Variants in ATR observed in about 807,000 individuals in gnomAD.
The protein encoded by ATR is serine/threonine-protein kinase ATR.
ATR carries 142 observed loss-of-function variants against 305.3 expected under a neutral mutation model. The ratio of observed to expected loss-of-function variants is 0.47; its 90% CI spans 0.41 to 0.53. ATR has a LOEUF of 0.53. ATR is among the 20% of genes least tolerant of loss of function. The probability of loss-of-function intolerance (pLI) is 0.00; values close to 1 mark genes in which losing one functional copy is unlikely to be tolerated. For missense variants in ATR, 2,135 were observed against 3,133.1 expected (o/e 0.68, Z 7.60); for synonymous variants, 1,050 against 1,068.1 (o/e 0.98, Z 0.33).
At chr3:142,493,894 T>C (rs1020952790) in intron 34 of ATR, among the ~76,000 whole-genome samples, 1 of 145,644 alleles carries the variant, frequency 6.9e-6, no homozygotes, top group Non-Finnish European at 1.5e-5. Flanking sequence ...AAGCTAGGCA[T>C]GATGGCTTAT....
chr3:142,479,351 T>C lies in ATR; in HGVS notation c.6221+5789A>G, dbSNP rs532094547. Among the ~76,000 whole-genome samples, 5 of 152,278 alleles carry C rather than the reference T, an allele frequency of 3.3e-5. No individual in the cohort carries two copies. The South Asian group carries it at 1.0e-3, about 32-fold the overall frequency. On this transcript the variant is annotated intron_variant, in intron 36 of 46. Transcript: ENST00000350721. ...TTATTTCTCCTTCACTTTTGAAGCTTAGTTTGGCTGGATATGAAATTCTGG... is the reference window on the plus strand; with the variant it reads ...TTATTTCTCCTTCACTTTTGAAGCTCAGTTTGGCTGGATATGAAATTCTGG...
chr3:142,511,928 A>G (rs1234490911), intron 27 of ATR, among the ~76,000 whole-genome samples: 1 of 152,122 alleles, frequency 6.6e-6, no homozygotes, highest in African/African-American at 2.4e-5. Context: ...AGTCTGGCCA[A>G]TATGGCAAAA....
chr3:142,558,008 T>C (rs1443314683), intron 8 of ATR, among the ~76,000 whole-genome samples: 1 of 152,186 alleles, frequency 6.6e-6, no homozygotes, highest in East Asian at 1.9e-4. Context: ...AAAATATTTC[T>C]CAAATACTTC....
chr3:142,494,560 T>G (rs114784057), intron 34 of ATR, among the ~76,000 whole-genome samples: 95 of 152,284 alleles, frequency 6.2e-4, no homozygotes, highest in African/African-American at 2.2e-3. Flanking sequence ...AAAATTTGAA[T>G]TAGGTTTTCA....
chr3:142,550,850 C>T (rs537577061), intron 13 of ATR, among the ~76,000 whole-genome samples: 4 of 151,870 alleles, frequency 2.6e-5, no homozygotes, highest in African/African-American at 9.7e-5. Flanking sequence ...TGCAGAGGTG[C>T]GATCTTGGCT....
chr3:142,521,486 C>A (rs2033145828), intron 23 of ATR, among the ~76,000 whole-genome samples: 1 of 152,012 alleles, frequency 6.6e-6, no homozygotes, highest in Non-Finnish European at 1.5e-5. Flanking sequence ...ATAGTAATTC[C>A]TCTGATGGAT....
chr3:142,564,494 G>A (rs2034996387), intron 3 of ATR, among the ~76,000 whole-genome samples: 1 of 152,186 alleles, frequency 6.6e-6, no homozygotes, highest in African/African-American at 2.4e-5. Context: ...TAAAATAAAT[G>A]TTCAATAAAG....
rs1477342875 is a variant in ATR, at chr3:142,538,639, C to G, written c.3582-14G>C. On this transcript the variant is annotated splice_polypyrimidine_tract_variant and intron_variant, in intron 18 of 46. Transcript: ENST00000350721. ...CAGTCCCAAGCTCTATGTGAAAAAA[C>G]AAATAGAAATGAAGTCCAATTACTT... 1 of 1,612,820 alleles carries G rather than the reference C, an allele frequency of 6.2e-7. No homozygotes were observed. Among genetic ancestry groups the G allele is most frequent in the Non-Finnish European group, 8.5e-7 (1 of 1,179,336 alleles).
chr3:142,467,337 A>C (rs961326981), intron 39 of ATR, among the ~76,000 whole-genome samples: 7 of 152,066 alleles, frequency 4.6e-5, no homozygotes, highest in Non-Finnish European at 1.0e-4. Flanking sequence ...TTTAGTCACA[A>C]ATCTACCGAA....
chr3:142,523,503 A>T (rs2108398168), intron 22 of ATR, among the ~76,000 whole-genome samples: 1 of 152,294 alleles, frequency 6.6e-6, no homozygotes, highest in African/African-American at 2.4e-5. Context: ...TCTAAGGAAT[A>T]ATTTTAATAT....
At chr3:142,576,626 A>G (rs865790805) in intron 1 of ATR, among the ~76,000 whole-genome samples, 12 of 152,204 alleles carry the variant, frequency 7.9e-5, no homozygotes, top group Non-Finnish European at 1.6e-4. Context: ...GAAAGCTAGG[A>G]CATGTGGGGA....
chr3:142,572,189 C>T (rs2035290331), intron 1 of ATR, among the ~76,000 whole-genome samples: 1 of 151,916 alleles, frequency 6.6e-6, no homozygotes, highest in Non-Finnish European at 1.5e-5. Flanking sequence ...CCTGCCTCAG[C>T]CTCCCGAGTA....
chr3:142,565,595 C>T (rs891552154), intron 3 of ATR, among the ~76,000 whole-genome samples: 1 of 151,874 alleles, frequency 6.6e-6, no homozygotes, highest in African/African-American at 2.4e-5. Flanking sequence ...TCTAATAAAA[C>T]TTTGTTTACA....
Position 142,562,238 on chromosome 3 carries a change from A to G in ATR, c.1164T>C (p.Asp388=), listed in dbSNP as rs1390303459. The change falls in exon 4 of 47, where the codon GAT becomes GAC. Residue 388 remains aspartate (D), a synonymous_variant. Transcript: ENST00000350721. ...ALLDVLGIEV[D]AEYLLGPLYA... ...AACCTGAAAAATTACTTACCTCTGC[A>G]TCTACCTCAATTCCAAGCACATCCA... 1 of 1,614,072 alleles carries G rather than the reference A, an allele frequency of 6.2e-7. No homozygotes were observed. The highest frequency in any genetic ancestry group is 1.1e-5 in the South Asian group (1 of 91,066).
intron 42 of ATR, among the ~76,000 whole-genome samples, chr3:142,460,190 G>T (rs2070993813): frequency 6.6e-6 from 1 of 151,912 alleles, no homozygotes; most frequent in Non-Finnish European, 1.5e-5. Flanking sequence ...GGATAATCAG[G>T]CGTGTTAACA....
rs1013599395 is a variant in ATR, at chr3:142,543,427, CTCCG to C, written c.3358-674_3358-671del. ...TCTTCCTCCCTCCTTTCCTCCCTCC[CTCCG>C]TCCGTCCTTTCTTCCTCCCTCCTTT... On this transcript the variant is annotated intron_variant, in intron 16 of 46. Coordinates refer to ENST00000350721, the MANE Select transcript of ATR (RefSeq NM_001184.4). 1.9e-4 allele frequency among the ~76,000 whole-genome samples: 29 copies of C among 148,882 alleles called. No homozygotes were observed. In the South Asian group the frequency reaches 2.8e-3, roughly 14 times the overall value.
chr3:142,566,406 C>T, intron 2 of ATR, 145 bp from the exon 3 acceptor site: 2 of 873,974 alleles, frequency 2.3e-6, no homozygotes, highest in South Asian at 1.5e-5. Context: ...ATCACCTGAG[C>T]CCAGGAACTC....
Position 142,553,361 on chromosome 3 carries a change from G to T in ATR, c.2671C>A (p.His891Asn), listed in dbSNP as rs139224919. Reference protein sequence around the residue: ...KGDLVPFALLHLLHCLLSKSA... With the variant: ...KGDLVPFALLNLLHCLLSKSA... ...TTGGATAACAAACAATGCAATAAGT[G>T]TAAGAGTGCAAATGGTACCAAATCT... The change falls in exon 13 of 47, where the codon CAC becomes AAC. Residue 891 changes from histidine (H) to asparagine (N), a missense_variant. Coordinates refer to ENST00000350721, the MANE Select transcript of ATR (RefSeq NM_001184.4). 4.3e-6 allele frequency: 7 copies of T among 1,613,952 alleles called. No individual in the cohort carries two copies. Among genetic ancestry groups the T allele is most frequent in the East Asian group, 2.2e-5 (1 of 44,868 alleles).
In ATR at chr3:142,485,386, T is replaced by C. The variant is rs1027628166; in HGVS notation, c.6079-104A>G. The C allele has an allele frequency of 6.9e-5, 94 of 1,366,634 alleles. 1 individual carries two copies. The highest frequency in any genetic ancestry group is 5.4e-4 in the South Asian group (41 of 76,044). 84.7% of individuals were successfully genotyped at this position (1,366,634 alleles called of 1,614,324 possible). ...GGATCAAAAGTATGTGACCTTTATC[T>C]AGGCAGAGCAAAGTCAAAAGCAGAC... On this transcript the variant is annotated intron_variant, in intron 35 of 46. Coordinates refer to ENST00000350721, the MANE Select transcript of ATR (RefSeq NM_001184.4).
Sources: gnomAD v4.1 joint callset for allele counts (sites outside exome capture counted in the v4.1 genomes callset) on GRCh38, gnomAD v4.1.1 for gene constraint, MANE v1.5 for transcripts, NCBI Gene and HGNC (gene_info 2026-07-23, HGNC 2026-07-21) for gene names.